Variants in TMC2 observed in about 807,000 individuals in gnomAD.
TMC2 encodes the protein transmembrane channel-like protein 2.
Under a neutral mutation model 105.9 loss-of-function variants are expected in TMC2, and 102 were observed. That is an observed-to-expected ratio of 0.96 (90% CI 0.82 to 1.14). TMC2 has a LOEUF of 1.14. TMC2 is among the 50% of genes most tolerant of loss of function. TMC2 has a pLI of 0.00. For synonymous variants in TMC2, 402 were observed against 422.8 expected, an observed-to-expected ratio of 0.95 and a Z score of 0.60; for missense variants, 1,093 against 1,134.3, an observed-to-expected ratio of 0.96 and a Z score of 0.52.
At chr20:2,579,299 T>G in intron 6 of TMC2, 72 bp downstream of exon 6, 1 of 912,870 alleles carries the variant, frequency 1.1e-6, no homozygotes, top group East Asian at 2.5e-5. Flanking sequence ...GATTGTTTCC[T>G]TGGCCCTCTG....
intron 13 of TMC2, among the ~76,000 whole-genome samples, chr20:2,612,615 T>C (rs969986425): frequency 6.6e-5 from 10 of 152,228 alleles, no homozygotes; most frequent in Non-Finnish European, 1.3e-4. Context: ...ATTCTACAAA[T>C]GCAGAGAAAG....
chr20:2,550,184 C>CAA (rs35275453), intron 2 of TMC2, among the ~76,000 whole-genome samples: 1 of 143,028 alleles, frequency 7.0e-6, no homozygotes, highest in East Asian at 2.1e-4. Context: ...GACTCTGTCT[C>CAA]AAAAAAAAAA....
intron 4 of TMC2, among the ~76,000 whole-genome samples, chr20:2,562,664 T>C (rs2086035570): frequency 6.6e-6 from 1 of 152,158 alleles, no homozygotes; most frequent in Non-Finnish European, 1.5e-5. Flanking sequence ...GCTGCAGTTT[T>C]AAAATAACAG....
Position 2,551,876 on chromosome 20 carries a change from T to C in TMC2, c.83-6580T>C, listed in dbSNP as rs1044145631. Among the ~76,000 whole-genome samples, 11 of 152,336 alleles carry C rather than the reference T, an allele frequency of 7.2e-5. No individual in the cohort carries two copies. The East Asian group carries it at 1.9e-3, about 27-fold the overall frequency. On this transcript the variant is annotated intron_variant, in intron 2 of 19. Transcript: ENST00000358864. ...ATCACACCATCTTGATTACTGTACC[T>C]TTATAGTGTTGATGTGTATGAAGTA...
chr20:2,544,933 T>C (rs865991902), intron 2 of TMC2, among the ~76,000 whole-genome samples: 1 of 151,294 alleles, frequency 6.6e-6, no homozygotes, highest in African/African-American at 2.4e-5. Context: ...TGGTGGCGCA[T>C]ACTTGTAGTC....
intron 16 of TMC2, 72 bp downstream of exon 16, chr20:2,617,383 T>C: frequency 6.3e-7 from 1 of 1,577,188 alleles, no homozygotes; most frequent in Non-Finnish European, 8.6e-7. Context: ...CGGCCCAGAA[T>C]TCCAGTTCTG....
rs560955485 is a variant in TMC2 at position 2,598,346 on chromosome 20, G to A, written c.1224+1048G>A. On this transcript the variant is annotated intron_variant, in intron 10 of 19. Coordinates refer to ENST00000358864, the MANE Select transcript of TMC2 (RefSeq NM_080751.3). Reference sequence around the variant, plus strand: ...GGCTGAGGTGGGCAAACCTTTGCACGTGTGTAGGATTCTGACTGAGAGGGT... The same window carrying A: ...GGCTGAGGTGGGCAAACCTTTGCACATGTGTAGGATTCTGACTGAGAGGGT... Among the ~76,000 whole-genome samples the A allele has an allele frequency of 8.5e-5, 13 of 152,298 alleles. No individual in the cohort carries two copies. In the East Asian group the frequency reaches 1.2e-3, roughly 14 times the overall value.
intron 11 of TMC2, among the ~76,000 whole-genome samples, chr20:2,608,342 A>ATTTTTT (rs1555775780): frequency 1.4e-5 from 2 of 142,446 alleles, no homozygotes; most frequent in African/African-American, 5.4e-5. Context: ...TATTATTATT[A>ATTTTTT]TTTGAGATGA....
chr20:2,570,880 A>G (rs956233876), intron 4 of TMC2, among the ~76,000 whole-genome samples: 2 of 152,196 alleles, frequency 1.3e-5, no homozygotes, highest in Non-Finnish European at 2.9e-5. Flanking sequence ...AATAAAATCA[A>G]CAAAAAACAA....
Position 2,617,292 on chromosome 20 carries a change from T to G in TMC2, c.2161T>G (p.Phe721Val). 1 of 1,614,170 alleles carries G rather than the reference T, an allele frequency of 6.2e-7. No homozygotes were observed. The highest frequency in any genetic ancestry group is 8.5e-7 in the Non-Finnish European group (1 of 1,180,028). ...AYTIMSLPPS[F>V]DCGPFSGKNR... Reference sequence around the variant, plus strand: ...CACCATCATGTCCCTCCCACCCTCCTTTGACTGCGGGCCGTTCAGGTGCAG... The same window carrying G: ...CACCATCATGTCCCTCCCACCCTCCGTTGACTGCGGGCCGTTCAGGTGCAG... The change falls in exon 16 of 20, where the codon TTT becomes GTT. Residue 721 changes from phenylalanine to valine, a missense_variant. Transcript: ENST00000358864.
rs1354512375 is a variant in TMC2 at position 2,592,471 on chromosome 20, A to G, written c.933+63A>G. On this transcript the variant is annotated intron_variant, in intron 8 of 19. Coordinates refer to ENST00000358864, the MANE Select transcript of TMC2 (RefSeq NM_080751.3). This position sits in a 1 kb window ranked among gnomAD's most constrained non-coding sequence, Gnocchi z 4.9. Reference sequence around the variant, plus strand: ...ATTATAAAGGCTAAAGATTGCATGGATAAGTATGAAATAGTGCGTTTAATT... The same window carrying G: ...ATTATAAAGGCTAAAGATTGCATGGGTAAGTATGAAATAGTGCGTTTAATT... 7.1e-6 allele frequency: 8 copies of G among 1,125,294 alleles called. No individual in the cohort carries two copies. The highest frequency in any genetic ancestry group is 1.2e-5 in the South Asian group (1 of 81,152). 69.7% of individuals were successfully genotyped at this position (1,125,294 alleles called of 1,614,324 possible).
intron 16 of TMC2, among the ~76,000 whole-genome samples, chr20:2,620,390 A>T (rs188055544): frequency 7.9e-5 from 12 of 152,370 alleles, no homozygotes; most frequent in Admixed American, 6.5e-4. Flanking sequence ...TTTCTGAAAG[A>T]TCAAAAGGTC....
Position 2,579,958 on chromosome 20 carries a change from G to T in TMC2, c.736G>T (p.Gly246Cys), listed in dbSNP as rs763678587. Residue 246 changes from glycine (G) to cysteine (C), a missense_variant, in exon 7 of 20, where the codon GGT (glycine) becomes TGT (cysteine). Gly to Cys is a radical substitution (Grantham distance 159, BLOSUM62 -3). Coordinates refer to ENST00000358864, the MANE Select transcript of TMC2 (RefSeq NM_080751.3). The part of the protein sequence containing the change: ...MKIKDIESHF[G>C]SSVASYFIFL... ...GTCTTTTCTCTCTCTAGGTCACTTTGGTTCTTCAGTGGCATCGTATTTCAT... is the reference window on the plus strand; with the variant it reads ...GTCTTTTCTCTCTCTAGGTCACTTTTGTTCTTCAGTGGCATCGTATTTCAT... The T allele has an allele frequency of 6.2e-6, 10 of 1,612,910 alleles. No individual in the cohort carries two copies. Among genetic ancestry groups the T allele is most frequent in the South Asian group, 1.1e-5 (1 of 91,050 alleles).
rs2086486211 is a variant in TMC2, at chr20:2,616,871, G to C, written c.1941-201G>C. Among the ~76,000 whole-genome samples, 1 of 152,238 alleles carries C rather than the reference G, an allele frequency of 6.6e-6. No homozygotes were observed. The highest frequency in any genetic ancestry group is 6.5e-5 in the Admixed American group (1 of 15,292). On this transcript the variant is annotated intron_variant, in intron 15 of 19. Transcript: ENST00000358864. The surrounding 1 kb of genome is among the most constrained non-coding windows in gnomAD (Gnocchi z 4.8). The stretch of plus-strand genomic sequence containing the variant: ...AGAGCTTAAGCCAGGAATGCTCGGA[G>C]TGCCTCCCTCTCCTGAGGACTGCAT...
intron 2 of TMC2, among the ~76,000 whole-genome samples, chr20:2,557,150 T>A (rs1041580608): frequency 6.6e-6 from 1 of 152,250 alleles, no homozygotes; most frequent in Non-Finnish European, 1.5e-5. Context: ...TTCTTAGCAA[T>A]TATTAATTCA....
intron 5 of TMC2, 27 bp from the exon 6 acceptor site, chr20:2,579,119 C>A: frequency 1.5e-6 from 2 of 1,310,760 alleles, no homozygotes; most frequent in Non-Finnish European, 2.2e-6. Flanking sequence ...TGTTAAGGAA[C>A]TGAGAGTTTT....
At chr20:2,545,265 G>C (rs2085915779) in intron 2 of TMC2, among the ~76,000 whole-genome samples, 1 of 152,132 alleles carries the variant, frequency 6.6e-6, no homozygotes, top group African/African-American at 2.4e-5. Flanking sequence ...AGTATGAAAA[G>C]AAGTGTCTTG....
At chr20:2,561,511 G>A (rs1328695484) in intron 3 of TMC2, among the ~76,000 whole-genome samples, 2 of 152,120 alleles carry the variant, frequency 1.3e-5, no homozygotes, top group African/African-American at 4.8e-5. Flanking sequence ...TAAATAAACT[G>A]TATTATTAAA....
intron 2 of TMC2, among the ~76,000 whole-genome samples, chr20:2,548,891 C>G (rs900392204): frequency 1.1e-4 from 16 of 152,070 alleles, no homozygotes; most frequent in Admixed American, 6.5e-5. Flanking sequence ...GATCAAGGAA[C>G]CTATATAAGT....
Sources: gnomAD v4.1 joint callset for allele counts (sites outside exome capture counted in the v4.1 genomes callset) on GRCh38, gnomAD v4.1.1 for gene constraint, Gnocchi (gnomAD v3.1) non-coding constraint, MANE v1.5 for transcripts, NCBI Gene and HGNC (gene_info 2026-07-23, HGNC 2026-07-21) for gene names.